SPTB: variants seen among roughly 807,000 people sequenced by gnomAD.
The protein encoded by SPTB is spectrin beta chain, erythrocytic.
Under a neutral mutation model 256.2 loss-of-function variants are expected in SPTB, and 45 were observed. The ratio of observed to expected loss-of-function variants is 0.18; its 90% CI spans 0.14 to 0.23. The LOEUF (loss-of-function observed/expected upper bound fraction) is 0.23, where lower values mean the gene tolerates loss of function less well. SPTB is among the 10% of genes least tolerant of loss of function. The probability of loss-of-function intolerance (pLI) is 1.00; values close to 1 mark genes in which losing one functional copy is unlikely to be tolerated. For synonymous variants in SPTB, 1,231 were observed against 1,243.1 expected (o/e 0.99, Z 0.21); for missense variants, 2,715 against 3,040.4 (o/e 0.89, Z 2.52).
intron 28 of SPTB, 42 bp downstream of exon 28, chr14:64,769,548 C>T (rs544754295): frequency 1.2e-4 from 195 of 1,610,852 alleles, no homozygotes; most frequent in Admixed American, 2.7e-4. Flanking sequence ...ACAGTGGGGA[C>T]GGAGACGGAG....
chr14:64,746,934 G>T lies in SPTB; in HGVS notation c.*2372C>A, dbSNP rs1438368626. ...CTTGCTAGGGCACTGGGAGAGCTTA[G>T]CCCTGGTGTGGCACACACAGGGTCT... On this transcript the variant is annotated 3_prime_UTR_variant, in exon 36 of 36. Coordinates refer to ENST00000644917, the MANE Select transcript of SPTB (RefSeq NM_001355436.2). This position sits in a 1 kb window ranked among gnomAD's most constrained non-coding sequence, Gnocchi z 4.9. The T allele has an allele frequency of 6.6e-6, 1 of 152,566 alleles. No individual in the cohort carries two copies. Among genetic ancestry groups the T allele is most frequent in the African/African-American group, 2.4e-5 (1 of 41,450 alleles). 9.5% of individuals were successfully genotyped at this position (152,566 alleles called of 1,614,324 possible). A position where few individuals can be genotyped will look rare whatever the true frequency, so the allele number is the denominator to read the frequency against.
At position 64,796,290 on chromosome 14, in the gene SPTB, C is replaced by A. The variant is rs185684809; in HGVS notation, c.1341+267G>T. ...ACCACAATTTAACATCAACTGAAAC[C>A]CCAGCTGTAGTTGACACTACAGGCC... On this transcript the variant is annotated intron_variant, in intron 11 of 35. Coordinates refer to ENST00000644917, the MANE Select transcript of SPTB (RefSeq NM_001355436.2). This position sits in a 1 kb window ranked among gnomAD's most constrained non-coding sequence, Gnocchi z 4.1. 2.2e-3 allele frequency among the ~76,000 whole-genome samples: 329 copies of A among 152,244 alleles called. 3 individuals carry two copies. Among genetic ancestry groups the A allele is most frequent in the African/African-American group, 7.7e-3 (320 of 41,540 alleles).
In SPTB at chr14:64,877,144, G is replaced by T. The variant is rs1185064915; in HGVS notation, c.-52+2648C>A. ...ACTTCCAGGACTGAAAGGAAAATCT[G>T]TTCTTTAAAAAAAAAAAAAAAAATC... On this transcript the variant is annotated intron_variant, in intron 1 of 35. Coordinates refer to ENST00000644917, the MANE Select transcript of SPTB (RefSeq NM_001355436.2). Among the ~76,000 whole-genome samples the T allele has an allele frequency of 3.6e-5, 5 of 140,674 alleles. No individual in the cohort carries two copies. The South Asian group carries it at 1.1e-3, about 31-fold the overall frequency. The allele number at this position is 140,674 out of a possible 152,430, so 92.3% of individuals were successfully genotyped here.
rs866721287 is a variant in SPTB at position 64,764,277 on chromosome 14, T to A, written c.6345+2449A>T. ...CAGGTTGGGCTTTCCCGACAGGCTC[T>A]GTCCTCCTCTTTCTTGCATCGAAGG... On this transcript the variant is annotated intron_variant, in intron 32 of 35. Transcript: ENST00000644917. The surrounding 1 kb of genome is among the most constrained non-coding windows in gnomAD (Gnocchi z 4.2). 6.6e-6 allele frequency among the ~76,000 whole-genome samples: 1 copy of A among 152,248 alleles called. No homozygotes were observed. Among genetic ancestry groups the A allele is most frequent in the Admixed American group, 6.5e-5 (1 of 15,290 alleles).
At position 64,807,281 on chromosome 14, in the gene SPTB, C is replaced by T. The variant is rs944334420; in HGVS notation, c.149-2191G>A. On this transcript the variant is annotated intron_variant, in intron 2 of 35. Coordinates refer to ENST00000644917, the MANE Select transcript of SPTB (RefSeq NM_001355436.2). The surrounding 1 kb of genome is among the most constrained non-coding windows in gnomAD (Gnocchi z 4.7). ...CCTGTCTTTAAGAATGCAAACATTT[C>T]ATTACGTGGGTGCTGAGAACTATTT... Among the ~76,000 whole-genome samples the T allele has an allele frequency of 2.6e-5, 4 of 152,208 alleles. No individual in the cohort carries two copies. The highest frequency in any genetic ancestry group is 5.9e-5 in the Non-Finnish European group (4 of 68,046).
Position 64,786,448 on chromosome 14 carries a change from A to T in SPTB, c.3517T>A (p.Phe1173Ile). ...TLAQCLGFQE[F>I]QKDAKQAEAI... ...TCAGCCTGCTTGGCATCTTTCTGGA[A>T]CTCCTGGAAGCCAAGGCACTGAGCG... Residue 1173 changes from phenylalanine to isoleucine, a missense_variant, in exon 16 of 36, where the codon TTC becomes ATC. Phe to Ile is a conservative substitution (Grantham distance 21). Coordinates refer to ENST00000644917, the MANE Select transcript of SPTB (RefSeq NM_001355436.2). This position sits in a 1 kb window ranked among gnomAD's most constrained non-coding sequence, Gnocchi z 5.6. 1 of 1,613,758 alleles carries T rather than the reference A, an allele frequency of 6.2e-7. No homozygotes were observed. The highest frequency in any genetic ancestry group is 8.5e-7 in the Non-Finnish European group (1 of 1,179,922).
In SPTB at chr14:64,847,989, CT is replaced by C. The variant is rs1486689217; in HGVS notation, c.-51-24845del. Among the ~76,000 whole-genome samples, 1 of 152,180 alleles carries C rather than the reference CT, an allele frequency of 6.6e-6. No homozygotes were observed. Among genetic ancestry groups the C allele is most frequent in the Non-Finnish European group, 1.5e-5 (1 of 68,028 alleles). On this transcript the variant is annotated intron_variant, in intron 1 of 35. Transcript: ENST00000644917. The surrounding 1 kb of genome is among the most constrained non-coding windows in gnomAD (Gnocchi z 5.9). Reference sequence around the variant, plus strand: ...TCTCATCTGTATCCTCATATTTATGCTGATCAATCATACAAAGCTGCTTTTC... The same window carrying C: ...TCTCATCTGTATCCTCATATTTATGCGATCAATCATACAAAGCTGCTTTTC...
rs377166193 is a variant in SPTB, at chr14:64,779,105, A to G, written c.4563+52T>C. The G allele has an allele frequency of 7.7e-5, 99 of 1,282,698 alleles. No individual in the cohort carries two copies. The African/African-American group carries it at 1.5e-3, about 20-fold the overall frequency. 79.5% of individuals were successfully genotyped at this position (1,282,698 alleles called of 1,614,324 possible). The stretch of plus-strand genomic sequence containing the variant: ...GGGCTGGGCCTACCCCCGTGGGGCC[A>G]GGTGGGGGTGAGGAGGGGTGGGTGG... On this transcript the variant is annotated intron_variant, in intron 22 of 35. Transcript: ENST00000644917. This position sits in a 1 kb window ranked among gnomAD's most constrained non-coding sequence, Gnocchi z 4.2.
Position 64,778,831 on chromosome 14 carries a change from C to T in SPTB, c.4563+326G>A, listed in dbSNP as rs2082410664. On this transcript the variant is annotated intron_variant, in intron 22 of 35. Transcript: ENST00000644917. This position sits in a 1 kb window ranked among gnomAD's most constrained non-coding sequence, Gnocchi z 5.2. The stretch of plus-strand genomic sequence containing the variant: ...CCTCTCAGGCAGACCACTGGATACA[C>T]CGAATACACAGCTACTGAAGCACAT... Among the ~76,000 whole-genome samples the T allele has an allele frequency of 6.6e-6, 1 of 152,118 alleles. No individual in the cohort carries two copies. Among genetic ancestry groups the T allele is most frequent in the Admixed American group, 6.5e-5 (1 of 15,274 alleles).
intron 15 of SPTB, among the ~76,000 whole-genome samples, chr14:64,787,807 G>A (rs191723158): frequency 6.6e-6 from 1 of 152,208 alleles, no homozygotes; most frequent in African/African-American, 2.4e-5. Flanking sequence ...GGATGCCTGG[G>A]GGCCTGGGGT....
Position 64,799,704 on chromosome 14 carries a change from C to T in SPTB, c.1064+43G>A, listed in dbSNP as rs767566198. ...GGCTCTACCTTTTGGTGGTCAGTTTCCCAGCCACTGAGGACCACCCTCCCA... is the reference window on the plus strand; with the variant it reads ...GGCTCTACCTTTTGGTGGTCAGTTTTCCAGCCACTGAGGACCACCCTCCCA... On this transcript the variant is annotated intron_variant, in intron 9 of 35. Coordinates refer to ENST00000644917, the MANE Select transcript of SPTB (RefSeq NM_001355436.2). 53 of 1,610,704 alleles carry T rather than the reference C, an allele frequency of 3.3e-5. No individual in the cohort carries two copies. The East Asian group carries it at 1.1e-3, about 35-fold the overall frequency.
At chr14:64,836,837 C>A (rs942650577) in intron 1 of SPTB, among the ~76,000 whole-genome samples, 3 of 152,156 alleles carry the variant, frequency 2.0e-5, no homozygotes, top group African/African-American at 7.2e-5. Flanking sequence ...TCCTAAGGAG[C>A]CAGAGTATCC....
intron 20 of SPTB, among the ~76,000 whole-genome samples, chr14:64,781,911 G>A (rs2082478559): frequency 6.6e-6 from 1 of 152,216 alleles, no homozygotes; most frequent in South Asian, 2.1e-4. Flanking sequence ...CATGTCTTTT[G>A]TGGGAACATG....
At position 64,772,655 on chromosome 14, in the gene SPTB, C is replaced by T. The variant is rs1440788405; in HGVS notation, c.5478G>A (p.Leu1826=). 1 of 1,613,362 alleles carries T rather than the reference C, an allele frequency of 6.2e-7. No individual in the cohort carries two copies. The change falls in exon 26 of 36, where the codon CTG becomes CTA. Residue 1826 remains leucine (L), a synonymous_variant. Coordinates refer to ENST00000644917, the MANE Select transcript of SPTB (RefSeq NM_001355436.2). The surrounding 1 kb of genome is among the most constrained non-coding windows in gnomAD (Gnocchi z 5.4). ...KHRELPEDVG[L]DASTAESFHR... is the part of the protein sequence containing the mutation. Reference sequence around the variant, plus strand: ...GGAAGGACTCGGCCGTGCTGGCGTCCAGCCCCACGTCCTCGGGCAGCTCGC... The same window carrying T: ...GGAAGGACTCGGCCGTGCTGGCGTCTAGCCCCACGTCCTCGGGCAGCTCGC...
At chr14:64,757,027 A>G (rs1227474704) in intron 32 of SPTB, 1 of 152,224 alleles carries the variant, frequency 6.6e-6, no homozygotes, top group Non-Finnish European at 1.5e-5. Flanking sequence ...ACTTGGGTAT[A>G]CATCTGGGGA....
rs79823529 is a variant in SPTB, at chr14:64,876,850, C to T, written c.-52+2942G>A. Among the ~76,000 whole-genome samples, 32 of 152,300 alleles carry T rather than the reference C, an allele frequency of 2.1e-4. No homozygotes were observed. The East Asian group carries it at 5.8e-3, about 28-fold the overall frequency. On this transcript the variant is annotated intron_variant, in intron 1 of 35. Coordinates refer to ENST00000644917, the MANE Select transcript of SPTB (RefSeq NM_001355436.2). ...ATCTCAGTAGTTTGGTTAGGCAGAA[C>T]TTCAGGAAGTAAACCATATTGGCCT...
chr14:64,793,148 G>A lies in SPTB; in HGVS notation c.2515C>T (p.Leu839=). 1 of 1,614,094 alleles carries A rather than the reference G, an allele frequency of 6.2e-7. No homozygotes were observed. Among genetic ancestry groups the A allele is most frequent in the South Asian group, 1.1e-5 (1 of 91,086 alleles). Residue 839 remains leucine, a synonymous_variant, in exon 14 of 36, where the codon CTG becomes TTG. Coordinates refer to ENST00000644917, the MANE Select transcript of SPTB (RefSeq NM_001355436.2). This position sits in a 1 kb window ranked among gnomAD's most constrained non-coding sequence, Gnocchi z 7.0. ...GCTTCCTGCAGCCTCTGCTGACGCA[G>A]GTCCGCCTGGGCCACCACCTGTTGG... The part of the protein sequence containing the change: ...LYQQVVAQAD[L]RQQRLQEALD...
chr14:64,789,598 T>G (rs1386832656), intron 15 of SPTB, among the ~76,000 whole-genome samples: 1 of 151,762 alleles, frequency 6.6e-6, no homozygotes, highest in Non-Finnish European at 1.5e-5. Context: ...ATAAAAAGAG[T>G]AAGCCAAGGG....
chr14:64,847,424 T>G lies in SPTB; in HGVS notation c.-51-24279A>C, dbSNP rs1424603882. 6.6e-6 allele frequency among the ~76,000 whole-genome samples: 1 copy of G among 152,198 alleles called. No homozygotes were observed. Among genetic ancestry groups the G allele is most frequent in the Non-Finnish European group, 1.5e-5 (1 of 68,036 alleles). On this transcript the variant is annotated intron_variant, in intron 1 of 35. Transcript: ENST00000644917. This position sits in a 1 kb window ranked among gnomAD's most constrained non-coding sequence, Gnocchi z 5.9. ...GCATCTAGGGGAGAATTTTCCAACC[T>G]GTGTCCAGTGGGAATTGGAGGAGGG...
Sources: allele counts gnomAD v4.1 joint callset (sites outside exome capture counted in the v4.1 genomes callset), GRCh38; gene constraint gnomAD v4.1.1; non-coding constraint Gnocchi (gnomAD v3.1); transcripts MANE v1.5; gene names NCBI Gene and HGNC (gene_info 2026-07-23, HGNC 2026-07-21).